Variants in DMD observed in about 807,000 individuals in gnomAD.
The protein encoded by DMD is dystrophin, also known as mutant dystrophin.
DMD carries 63 observed loss-of-function variants against 330.1 expected under a neutral mutation model. That is an observed-to-expected ratio of 0.19 (90% confidence interval 0.16 to 0.24). DMD has a LOEUF of 0.24. DMD is among the 10% of genes least tolerant of loss of function. DMD has a pLI of 1.00. For missense variants in DMD, 3,344 were observed against 2,684.1 expected, an observed-to-expected ratio of 1.25 and a Z score of -5.43; for synonymous variants, 1,223 against 959.8, an observed-to-expected ratio of 1.27 and a Z score of -5.07.
chrX:32,778,242 G>A (rs1416897968), intron 7 of DMD, among the ~76,000 whole-genome samples: 2 of 74,310 alleles, frequency 2.7e-5, no homozygotes, highest in South Asian at 6.2e-4. Context: ...TCAGATCCTC[G>A]CAAAAAAAAA....
chrX:32,272,953 C>T (rs1218796616), intron 43 of DMD, among the ~76,000 whole-genome samples: 3 of 111,817 alleles, frequency 2.7e-5, no homozygotes, highest in Non-Finnish European at 5.6e-5. Flanking sequence ...TAGGATCCAA[C>T]TTTAGTAAAA....
chrX:32,822,266 A>G lies in DMD; in HGVS notation c.357+1029T>C, dbSNP rs7885022. 9.5e-3 allele frequency among the ~76,000 whole-genome samples: 1,045 copies of G among 110,216 alleles called. 7 individuals are homozygous for G. The highest frequency in any genetic ancestry group is 0.032 in the African/African-American group (983 of 30,334). On this transcript the variant is annotated intron_variant, in intron 5 of 78. Coordinates refer to ENST00000357033, the MANE Select transcript of DMD (RefSeq NM_004006.3). ...TACATACACATTTATTTTTATTTTTACTCTTTTGATAGTGAAGGGACCATG... is the reference window on the plus strand; with the variant it reads ...TACATACACATTTATTTTTATTTTTGCTCTTTTGATAGTGAAGGGACCATG...
chrX:32,550,827 G>A (rs887176466), intron 16 of DMD, among the ~76,000 whole-genome samples: 2 of 110,519 alleles, frequency 1.8e-5, no homozygotes, highest in East Asian at 5.7e-4. Context: ...CAGAAATAGA[G>A]AAAACCCTTA....
intron 60 of DMD, among the ~76,000 whole-genome samples, chrX:31,366,182 T>C (rs1202707570): frequency 1.8e-5 from 2 of 111,118 alleles, no homozygotes; most frequent in African/African-American, 6.5e-5. Flanking sequence ...TGATTTTAAA[T>C]TGCAAAGGGA....
chrX:32,354,250 A>T (rs1351480983), intron 37 of DMD, among the ~76,000 whole-genome samples: 1 of 111,801 alleles, frequency 8.9e-6, no homozygotes, highest in African/African-American at 3.2e-5. Flanking sequence ...TAAATAATCC[A>T]AGTGCTACAG....
chrX:31,772,553 A>G (rs1392305312), intron 51 of DMD, among the ~76,000 whole-genome samples: 1 of 111,926 alleles, frequency 8.9e-6, no homozygotes, highest in African/African-American at 3.2e-5. Context: ...CTACATCTAC[A>G]TACAAATCAC....
intron 55 of DMD, among the ~76,000 whole-genome samples, chrX:31,561,951 C>A (rs2075222838): frequency 8.9e-6 from 1 of 112,298 alleles, no homozygotes; most frequent in Admixed American, 9.4e-5. Flanking sequence ...GTTCCTCTTT[C>A]ATTCTCCTTT....
intron 11 of DMD, among the ~76,000 whole-genome samples, chrX:32,643,237 G>T (rs1310507641): frequency 3.6e-5 from 4 of 110,546 alleles, no homozygotes; most frequent in Non-Finnish European, 7.6e-5. Flanking sequence ...CTTTCAAAAG[G>T]CCTGAGCTTA....
chrX:32,144,750 G>A (rs1054528987), intron 44 of DMD, among the ~76,000 whole-genome samples: 33 of 111,657 alleles, frequency 3.0e-4, no homozygotes, highest in African/African-American at 1.0e-3. Flanking sequence ...TAAAATTCAC[G>A]GGCTGGGCGC....
chrX:32,830,255 T>TA (rs1489842551), intron 4 of DMD, among the ~76,000 whole-genome samples: 4 of 111,739 alleles, frequency 3.6e-5, no homozygotes, highest in Non-Finnish European at 7.6e-5. Flanking sequence ...TATTTCCTCT[T>TA]AAATAATCAT....
At chrX:32,435,581 T>C (rs1056194415) in intron 29 of DMD, among the ~76,000 whole-genome samples, 1 of 110,637 alleles carries the variant, frequency 9.0e-6, no homozygotes, top group Non-Finnish European at 1.9e-5. Context: ...TTTTTTGCCT[T>C]TCAACATGAT....
chrX:32,769,981 G>A (rs2073427673), intron 7 of DMD, among the ~76,000 whole-genome samples: 1 of 111,937 alleles, frequency 8.9e-6, no homozygotes, highest in African/African-American at 3.2e-5. Context: ...TACAGACTAT[G>A]CATGAAGTAC....
At chrX:32,451,172 T>G (rs1446670126) in intron 26 of DMD, among the ~76,000 whole-genome samples, 2 of 110,842 alleles carry the variant, frequency 1.8e-5, no homozygotes, top group Non-Finnish European at 3.8e-5. Context: ...TCAAACTTGT[T>G]AAAAATGAAA....
At chrX:32,120,018 C>T (rs1051483770) in intron 44 of DMD, among the ~76,000 whole-genome samples, 4 of 112,056 alleles carry the variant, frequency 3.6e-5, no homozygotes, top group African/African-American at 9.7e-5. Context: ...CAGCATATTG[C>T]ACAGTTCCTA....
intron 44 of DMD, among the ~76,000 whole-genome samples, chrX:32,002,970 G>A (rs907780058): frequency 3.6e-5 from 4 of 111,387 alleles, no homozygotes; most frequent in Non-Finnish European, 7.6e-5. Context: ...TATTTCTTTA[G>A]TTTATTGTGA....
chrX:31,258,039 CACCAT>C (rs2050142235), intron 63 of DMD, among the ~76,000 whole-genome samples: 1 of 112,293 alleles, frequency 8.9e-6, no homozygotes, highest in African/African-American at 3.2e-5. Flanking sequence ...GTTTAGGACC[CACCAT>C]ACCATTTCCA....
intron 29 of DMD, among the ~76,000 whole-genome samples, chrX:32,429,882 T>C (rs1057185117): frequency 2.7e-4 from 30 of 111,573 alleles, no homozygotes; most frequent in African/African-American, 9.8e-4. Context: ...ATGCCTTTTG[T>C]ATTTAAAAGC....
intron 1 of DMD, among the ~76,000 whole-genome samples, chrX:33,178,037 T>G (rs1191557919): frequency 8.9e-6 from 1 of 112,334 alleles, no homozygotes; most frequent in African/African-American, 3.2e-5. Flanking sequence ...GTAACACGGA[T>G]GTATGCCCTC....
intron 1 of DMD, among the ~76,000 whole-genome samples, chrX:33,117,004 A>T (rs2095390110): frequency 9.0e-6 from 1 of 110,781 alleles, no homozygotes; most frequent in African/African-American, 3.3e-5. Context: ...AAGCCTTGGA[A>T]CTTTCGGCTA....
Sources: gnomAD v4.1 joint callset for allele counts (sites outside exome capture counted in the v4.1 genomes callset) on GRCh38, gnomAD v4.1.1 for gene constraint, MANE v1.5 for transcripts, NCBI Gene and HGNC (gene_info 2026-07-23, HGNC 2026-07-21) for gene names.